SLC30A9: variants seen among roughly 807,000 people sequenced by gnomAD.
SLC30A9 encodes proton-coupled zinc antiporter SLC30A9, mitochondrial.
In SLC30A9, 58 loss-of-function variants were observed where a neutral mutation model predicts 87.5. The observed-to-expected ratio is 0.66, with a 90% CI of 0.54 to 0.82. The LOEUF is 0.82. Among genes scored for constraint, SLC30A9 ranks in the 40% least tolerant of loss-of-function variants. The pLI is 0.00. For synonymous variants in SLC30A9, 234 were observed against 233.0 expected, an observed-to-expected ratio of 1.00 and a Z score of -0.04; for missense variants, 557 against 679.1, an observed-to-expected ratio of 0.82 and a Z score of 2.00.
chr4:42,067,712 A>G (rs905943713), intron 14 of SLC30A9, among the ~76,000 whole-genome samples: 1 of 152,138 alleles, frequency 6.6e-6, no homozygotes, highest in Admixed American at 6.5e-5. Flanking sequence ...TTTTATCTAC[A>G]TAGGTTTTCT....
intron 6 of SLC30A9, among the ~76,000 whole-genome samples, chr4:42,033,140 T>G (rs2153136796): frequency 6.6e-6 from 1 of 152,294 alleles, no homozygotes; most frequent in East Asian, 1.9e-4. Context: ...TAGGCTCATT[T>G]GTTTCATTTT....
intron 1 of SLC30A9, among the ~76,000 whole-genome samples, chr4:41,991,845 T>C (rs1714455728): frequency 6.6e-6 from 1 of 152,230 alleles, no homozygotes; most frequent in African/African-American, 2.4e-5. Context: ...ATATAAGCTA[T>C]AGTAACTATG....
At chr4:42,069,466 T>C (rs1029746552) in intron 14 of SLC30A9, among the ~76,000 whole-genome samples, 24 of 152,228 alleles carry the variant, frequency 1.6e-4, no homozygotes, top group African/African-American at 5.8e-4. Context: ...GAGCAGTATT[T>C]GATTTTGAGC....
intron 14 of SLC30A9, among the ~76,000 whole-genome samples, chr4:42,069,360 G>A (rs896258721): frequency 2.6e-5 from 4 of 151,860 alleles, no homozygotes; most frequent in Admixed American, 6.6e-5. Context: ...TCTTAAAAAA[G>A]GTATTTTCTT....
intron 14 of SLC30A9, among the ~76,000 whole-genome samples, chr4:42,069,882 G>A (rs1481208370): frequency 6.6e-6 from 1 of 152,172 alleles, no homozygotes; most frequent in Non-Finnish European, 1.5e-5. Context: ...TTATTCAGGG[G>A]CCTGAAATGA....
At chr4:42,033,670 G>A (rs963124888) in intron 6 of SLC30A9, among the ~76,000 whole-genome samples, 8 of 152,028 alleles carry the variant, frequency 5.3e-5, no homozygotes, top group Non-Finnish European at 1.0e-4. Context: ...CCGCCTCCTG[G>A]GTTCAAGCAA....
At chr4:42,053,378 A>G (rs1717461541) in intron 9 of SLC30A9, among the ~76,000 whole-genome samples, 1 of 152,162 alleles carries the variant, frequency 6.6e-6, no homozygotes, top group African/African-American at 2.4e-5. Flanking sequence ...AGTGGGAATG[A>G]ATGGTCCCAA....
intron 8 of SLC30A9, among the ~76,000 whole-genome samples, chr4:42,041,287 G>A (rs4377621): frequency 0.6 from 91,531 of 151,860 alleles, 32,947 homozygotes; most frequent in East Asian, 0.96. Flanking sequence ...GGGAAGAAGC[G>A]TTTGTTTTTT....
chr4:42,014,852 A>G (rs1309290794), intron 2 of SLC30A9, among the ~76,000 whole-genome samples: 5 of 152,200 alleles, frequency 3.3e-5, no homozygotes, highest in African/African-American at 4.8e-5. Context: ...CTAAAATTAA[A>G]ACAAGTAAAT....
At chr4:42,019,670 G>T (rs1228123040) in intron 3 of SLC30A9, among the ~76,000 whole-genome samples, 1 of 151,774 alleles carries the variant, frequency 6.6e-6, no homozygotes, top group African/African-American at 2.4e-5. Flanking sequence ...TGAAACAAAG[G>T]TTTTCACAAA....
chr4:42,017,250 C>T (rs1429221591), intron 2 of SLC30A9, among the ~76,000 whole-genome samples: 4 of 151,966 alleles, frequency 2.6e-5, no homozygotes, highest in Admixed American at 1.3e-4. Context: ...ATTGTCCTTC[C>T]TATTTTTTCT....
Position 42,001,790 on chromosome 4 carries a change from A to G in SLC30A9, c.274+10A>G. ...CCATCATTTGAAACAGGTATGTGTA[A>G]TTTTTTTAATGTACTTTTTTCTGTA... On this transcript the variant is annotated intron_variant, in intron 2 of 17. Transcript: ENST00000264451. 6.3e-7 allele frequency: 1 copy of G among 1,585,490 alleles called. No homozygotes were observed. Among genetic ancestry groups the G allele is most frequent in the Admixed American group, 1.8e-5 (1 of 54,820 alleles).
chr4:42,075,832 T>C (rs774357397), intron 16 of SLC30A9, 46 bp downstream of exon 16: 1 of 1,577,156 alleles, frequency 6.3e-7, no homozygotes, highest in Non-Finnish European at 8.6e-7. Flanking sequence ...GTTAGAAAAA[T>C]GCTTTTAAGG....
At position 42,070,630 on chromosome 4, in the gene SLC30A9, T is replaced by G. The variant is rs751218126; in HGVS notation, c.1357T>G (p.Ser453Ala). 1.9e-6 allele frequency: 3 copies of G among 1,614,002 alleles called. No homozygotes were observed. Among genetic ancestry groups the G allele is most frequent in the Non-Finnish European group, 2.5e-6 (3 of 1,179,922 alleles). The change falls in exon 15 of 18, where the codon TCC (serine) becomes GCC (alanine). Residue 453 changes from serine (S) to alanine (A), a missense_variant. Physicochemically the swap from Ser to Ala is moderately conservative, Grantham distance 99. Transcript: ENST00000264451. The stretch of plus-strand genomic sequence containing the variant: ...TAACACAGAAGCACTCTTAGGGCGG[T>G]CCATCCAGCCAGAACAAGTACAACG... The part of the protein sequence containing the change: ...YTNTEALLGR[S>A]IQPEQVQRLT...
rs1276870438 is a variant in SLC30A9 at position 42,056,770 on chromosome 4, C to T, written c.841-3421C>T. On this transcript the variant is annotated intron_variant, in intron 9 of 17. Coordinates refer to ENST00000264451, the MANE Select transcript of SLC30A9 (RefSeq NM_006345.4). ...AGGCAAGTCCCTTCTGCCTATGAAC[C>T]TGTAAAATCAAAAGCAGGTTAGTTA... 3.3e-5 allele frequency among the ~76,000 whole-genome samples: 5 copies of T among 152,166 alleles called. No homozygotes were observed. The East Asian group carries it at 9.6e-4, about 29-fold the overall frequency.
At position 42,088,977 on chromosome 4, in the gene SLC30A9, A is replaced by G. The variant is rs930403533; in HGVS notation, c.*2851A>G. 2 of 151,866 alleles carry G rather than the reference A, an allele frequency of 1.3e-5. No homozygotes were observed. Among genetic ancestry groups the G allele is most frequent in the Non-Finnish European group, 2.9e-5 (2 of 67,996 alleles). The allele number at this position is 151,866 out of a possible 1,614,324, so 9.4% of individuals were successfully genotyped here. ...GGTCTCTTTCTCCAAAAATAAGGCT[A>G]TATTTAGTTTTTCAGGTTTCTTGTT... On this transcript the variant is annotated 3_prime_UTR_variant, in exon 18 of 18. Coordinates refer to ENST00000264451, the MANE Select transcript of SLC30A9 (RefSeq NM_006345.4).
intron 2 of SLC30A9, among the ~76,000 whole-genome samples, chr4:42,016,668 A>G (rs578182874): frequency 2.2e-4 from 33 of 152,262 alleles, no homozygotes; most frequent in African/African-American, 7.2e-4. Flanking sequence ...GGGATGTTGT[A>G]TGAGTTAAAT....
intron 14 of SLC30A9, among the ~76,000 whole-genome samples, chr4:42,069,652 TGTA>T (rs1426353658): frequency 6.6e-5 from 10 of 152,218 alleles, no homozygotes; most frequent in Non-Finnish European, 1.3e-4. Flanking sequence ...TAAAAAGACT[TGTA>T]GTCATAAAAG....
chr4:42,021,917 ATTTT>A (rs1180421350), intron 4 of SLC30A9, among the ~76,000 whole-genome samples: 1 of 39,940 alleles, frequency 2.5e-5, no homozygotes, highest in African/African-American at 6.5e-5. Context: ...CGCCTGGCTA[ATTTT>A]TTTTTTTTTT....
Sources: allele counts gnomAD v4.1 joint callset (sites outside exome capture counted in the v4.1 genomes callset), GRCh38; gene constraint gnomAD v4.1.1; transcripts MANE v1.5; gene names NCBI Gene and HGNC (gene_info 2026-07-23, HGNC 2026-07-21).